ADCY10: variants seen among roughly 807,000 people sequenced by gnomAD.
ADCY10 encodes the protein adenylate cyclase 10, also known as adenylate cyclase type 10.
ADCY10 carries 156 observed loss-of-function variants against 183.3 expected under a neutral mutation model. The ratio of observed to expected loss-of-function variants is 0.85; its 90% CI spans 0.75 to 0.97. ADCY10 has a LOEUF of 0.97. ADCY10 is among the 50% of genes least tolerant of loss of function. ADCY10 has a pLI of 0.00. For missense variants in ADCY10, 1,745 were observed against 1,934.3 expected (o/e 0.90, Z 1.84); for synonymous variants, 645 against 670.0 (o/e 0.96, Z 0.58).
chr1:167,839,726 T>C (rs561355467), intron 21 of ADCY10, among the ~76,000 whole-genome samples: 2 of 152,308 alleles, frequency 1.3e-5, no homozygotes, highest in South Asian at 4.1e-4. Context: ...GACATGTCTA[T>C]CTTAATAATA....
At chr1:167,854,172 C>A (rs1665711207) in intron 18 of ADCY10, among the ~76,000 whole-genome samples, 181 bp downstream of exon 18, 2 of 152,020 alleles carry the variant, frequency 1.3e-5, no homozygotes, top group South Asian at 4.2e-4. Flanking sequence ...TCCAGTGAGT[C>A]CCAGGCAATG....
At chr1:167,907,860 A>G (rs75592077) in intron 1 of ADCY10, among the ~76,000 whole-genome samples, 4,456 of 152,336 alleles carry the variant, frequency 0.029, 193 homozygotes, top group African/African-American at 0.099. Flanking sequence ...GAATAAAGAA[A>G]ATATAATTGG....
At chr1:167,832,927 G>A (rs1421364833) in intron 25 of ADCY10, 60 bp downstream of exon 25, 1 of 1,567,770 alleles carries the variant, frequency 6.4e-7, no homozygotes, top group East Asian at 2.2e-5. Context: ...CTTGGATTAT[G>A]TGTAGGCCTC....
Position 167,822,144 on chromosome 1 carries a change from A to AAG in ADCY10, c.4169-5_4169-4dup, listed in dbSNP as rs761396509. 5 of 1,534,200 alleles carry AAG rather than the reference A, an allele frequency of 3.3e-6. No individual in the cohort carries two copies. In the East Asian group the frequency reaches 1.1e-4, roughly 34 times the overall value. ...TTCAAATGTTCTATAAACAAAACCT[A>AAG]AGAGAGAGAGGAATGGGTGAGAGTT... On this transcript the variant is annotated splice_polypyrimidine_tract_variant and splice_region_variant and intron_variant, in intron 29 of 32. Transcript: ENST00000367851.
chr1:167,880,986 A>T (rs1558227359), intron 9 of ADCY10, among the ~76,000 whole-genome samples: 1 of 152,212 alleles, frequency 6.6e-6, no homozygotes, highest in Non-Finnish European at 1.5e-5. Context: ...CTCTGTCCTC[A>T]AGCCACTTCT....
chr1:167,868,763 G>GA (rs1277279947), intron 14 of ADCY10, among the ~76,000 whole-genome samples: 1 of 152,204 alleles, frequency 6.6e-6, no homozygotes, highest in African/African-American at 2.4e-5. Flanking sequence ...AAAAGATGAT[G>GA]AATGACCACC....
intron 8 of ADCY10, among the ~76,000 whole-genome samples, chr1:167,892,613 T>C (rs1486622598): frequency 1.3e-5 from 2 of 152,130 alleles, no homozygotes; most frequent in African/African-American, 4.8e-5. Flanking sequence ...TGGGGTGACT[T>C]TTTTAAGCTT....
In ADCY10 at chr1:167,910,869, G is replaced by A. The variant is rs544166182; in HGVS notation, c.-59+3107C>T. On this transcript the variant is annotated intron_variant, in intron 1 of 32. Transcript: ENST00000367851. Reference sequence around the variant, plus strand: ...CAAGCTTGTAAGATTGAAAGACTGAGCTAATGAAAACAGAGGATGCTCAGT... The same window carrying A: ...CAAGCTTGTAAGATTGAAAGACTGAACTAATGAAAACAGAGGATGCTCAGT... Among the ~76,000 whole-genome samples, 3 of 152,184 alleles carry A rather than the reference G, an allele frequency of 2.0e-5. No individual in the cohort carries two copies. The East Asian group carries it at 5.8e-4, about 29-fold the overall frequency.
chr1:167,882,921 G>A (rs558251771), intron 9 of ADCY10, among the ~76,000 whole-genome samples: 72 of 152,366 alleles, frequency 4.7e-4, no homozygotes, highest in African/African-American at 1.7e-3. Flanking sequence ...GAGTGGTCAT[G>A]AGGATGAAAT....
intron 18 of ADCY10, among the ~76,000 whole-genome samples, chr1:167,852,131 C>T (rs566302208): frequency 1.3e-5 from 2 of 152,056 alleles, no homozygotes; most frequent in Non-Finnish European, 2.9e-5. Flanking sequence ...AGAGAAGACA[C>T]CTGATTGTGT....
At chr1:167,903,285 C>T (rs1482085467) in intron 3 of ADCY10, among the ~76,000 whole-genome samples, 2 of 148,690 alleles carry the variant, frequency 1.3e-5, no homozygotes, top group Non-Finnish European at 1.5e-5. Flanking sequence ...TAAAAATAGC[C>T]GGGCACCCTG....
intron 30 of ADCY10, among the ~76,000 whole-genome samples, chr1:167,818,974 C>T (rs749261524): frequency 7.9e-5 from 12 of 152,146 alleles, no homozygotes; most frequent in Non-Finnish European, 1.6e-4. Context: ...CACAGACTGG[C>T]ATCATCAGTA....
chr1:167,845,871 G>T lies in ADCY10; in HGVS notation c.2717-18C>A, dbSNP rs372059487. On this transcript the variant is annotated intron_variant, in intron 20 of 32. Coordinates refer to ENST00000367851, the MANE Select transcript of ADCY10 (RefSeq NM_018417.6). ...ACCGTGATCTGGAGAGAGCAAAAAG[G>T]GTTTTTCAGCCAGGCAGTGGGCAAC... 16 of 1,613,898 alleles carry T rather than the reference G, an allele frequency of 9.9e-6. No individual in the cohort carries two copies. Among genetic ancestry groups the T allele is most frequent in the Non-Finnish European group, 1.3e-5 (15 of 1,180,028 alleles).
At chr1:167,862,722 T>C (rs1666370309) in intron 14 of ADCY10, among the ~76,000 whole-genome samples, 1 of 152,224 alleles carries the variant, frequency 6.6e-6, no homozygotes, top group Non-Finnish European at 1.5e-5. Context: ...CCTTCAGCAA[T>C]GATAAAGATA....
chr1:167,886,302 A>G (rs1256550866), intron 8 of ADCY10, among the ~76,000 whole-genome samples: 2 of 152,204 alleles, frequency 1.3e-5, no homozygotes, highest in Non-Finnish European at 2.9e-5. Flanking sequence ...AAACTATACT[A>G]CAAGGCTACA....
chr1:167,821,895 T>C, intron 30 of ADCY10, 129 bp downstream of exon 30: 1 of 741,518 alleles, frequency 1.3e-6, no homozygotes, highest in Non-Finnish European at 2.4e-6. Context: ...TCTGTGTAAA[T>C]ATCCTCTGAC....
Position 167,809,788 on chromosome 1 carries a change from T to A in ADCY10, c.4723A>T (p.Ile1575Phe), listed in dbSNP as rs555144838. The stretch of plus-strand genomic sequence containing the variant: ...TTTTCCCATGATGGGAGACTCAAGA[T>A]CGTCTGAAGCCATTGGTCTTCTTTT... Reference protein sequence around the residue: ...ELKEDQWLQTILSLPSWEKIV... With the variant: ...ELKEDQWLQTFLSLPSWEKIV... The change falls in exon 33 of 33, where the codon ATC (isoleucine) becomes TTC (phenylalanine). Residue 1575 changes from isoleucine to phenylalanine, a missense_variant. Ile to Phe is a conservative substitution (Grantham distance 21). Transcript: ENST00000367851. The A allele has an allele frequency of 6.2e-7, 1 of 1,614,198 alleles. No homozygotes were observed.
intron 7 of ADCY10, among the ~76,000 whole-genome samples, chr1:167,895,521 A>G (rs1000551110): frequency 6.6e-6 from 1 of 152,182 alleles, no homozygotes; most frequent in Non-Finnish European, 1.5e-5. Context: ...TCTCACTTGG[A>G]TGGAGTTTTC....
chr1:167,817,598 A>G (rs1241798321), intron 31 of ADCY10, among the ~76,000 whole-genome samples: 2 of 152,324 alleles, frequency 1.3e-5, no homozygotes, highest in East Asian at 3.9e-4. Context: ...TGCTTAATAC[A>G]TATTTGAATT....
Sources: allele counts gnomAD v4.1 joint callset (sites outside exome capture counted in the v4.1 genomes callset), GRCh38; gene constraint gnomAD v4.1.1; transcripts MANE v1.5; gene names NCBI Gene and HGNC (gene_info 2026-07-23, HGNC 2026-07-21).